The following SART3 variants were observed in gnomAD, a reference collection of about 807,000 sequenced individuals.
SART3 encodes spliceosome associated factor 3, U4/U6 recycling protein.
Under a neutral mutation model 122.3 loss-of-function variants are expected in SART3, and 44 were observed. The ratio of observed to expected loss-of-function variants is 0.36; its 90% CI spans 0.28 to 0.46. SART3 has a LOEUF of 0.46. Among genes scored for constraint, SART3 ranks in the 20% least tolerant of loss-of-function variants. The pLI, the probability that SART3 is intolerant of heterozygous loss-of-function variation, is 1.00. For synonymous variants in SART3, 442 were observed against 454.0 expected, an observed-to-expected ratio of 0.97 and a Z score of 0.34; for missense variants, 1,101 against 1,229.0, an observed-to-expected ratio of 0.90 and a Z score of 1.56.
intron 1 of SART3, among the ~76,000 whole-genome samples, chr12:108,551,352 A>G (rs1195910732): frequency 6.6e-6 from 1 of 152,228 alleles, no homozygotes; most frequent in Non-Finnish European, 1.5e-5. Flanking sequence ...AGCAAAAACT[A>G]TTACAGAGCT....
chr12:108,548,142 A>G, intron 2 of SART3, 151 bp from the exon 3 acceptor site: 1 of 702,074 alleles, frequency 1.4e-6, no homozygotes, highest in Non-Finnish European at 2.6e-6. Flanking sequence ...TGAACTAAGC[A>G]CATAGGAGGT....
chr12:108,545,156 T>C lies in SART3; in HGVS notation c.712A>G (p.Ile238Val). The part of the protein sequence containing the change: ...WEAYREFESA[I>V]VEAARLEKVH... The stretch of plus-strand genomic sequence containing the variant: ...GTACTCACCCGAGCAGCTTCCACAA[T>C]CGCACTTTCAAACTCTCGGTAAGCC... Residue 238 changes from isoleucine to valine, a missense_variant, in exon 4 of 19, where the codon ATT (isoleucine) becomes GTT (valine). Ile to Val is a conservative substitution (Grantham distance 29). Transcript: ENST00000546815. 4 of 1,613,836 alleles carry C rather than the reference T, an allele frequency of 2.5e-6. No homozygotes were observed. Among genetic ancestry groups the C allele is most frequent in the Non-Finnish European group, 3.4e-6 (4 of 1,179,934 alleles).
chr12:108,534,450 G>A (rs754026991), intron 12 of SART3, among the ~76,000 whole-genome samples: 5 of 151,862 alleles, frequency 3.3e-5, no homozygotes, highest in Non-Finnish European at 7.4e-5. Context: ...TTGGGAGGCC[G>A]AGGTAGGAGG....
intron 15 of SART3, among the ~76,000 whole-genome samples, chr12:108,529,674 A>G (rs1872560172): frequency 6.6e-6 from 1 of 152,162 alleles, no homozygotes; most frequent in South Asian, 2.1e-4. Flanking sequence ...AGGCCACAGG[A>G]GCACTTGTGC....
In SART3 at chr12:108,532,237, T is replaced by C; in HGVS notation, c.1654A>G (p.Met552Val). The change falls in exon 13 of 19, where the codon ATG becomes GTG. Residue 552 changes from methionine to valine, a missense_variant. By Grantham distance (21) the Met-to-Val change is conservative. Transcript: ENST00000546815. ...PEHVCEVLLTMERTEGSLEDW... is the reference protein window; with the variant it reads ...PEHVCEVLLTVERTEGSLEDW... ...GGGGTCCCACCTTCTGTCCTCTCCA[T>C]GGTGAGTAACACTTCGCAGACGTGC... The C allele has an allele frequency of 1.2e-6, 2 of 1,614,048 alleles. No individual in the cohort carries two copies. Among genetic ancestry groups the C allele is most frequent in the Non-Finnish European group, 1.7e-6 (2 of 1,179,960 alleles).
At chr12:108,537,819 C>A in intron 8 of SART3, 2 of 666,106 alleles carry the variant, frequency 3.0e-6, no homozygotes, top group South Asian at 1.9e-5. Flanking sequence ...AAGAAAAGTT[C>A]CAGATCAAGG....
intron 1 of SART3, among the ~76,000 whole-genome samples, chr12:108,549,537 T>G (rs2136689598): frequency 6.6e-6 from 1 of 152,342 alleles, no homozygotes; most frequent in East Asian, 1.9e-4. Context: ...TTTCCTAAGC[T>G]CTATTTCCTC....
At chr12:108,536,975 A>G in intron 9 of SART3, 190 bp from the exon 10 acceptor site, 1 of 620,322 alleles carries the variant, frequency 1.6e-6, no homozygotes, top group Non-Finnish European at 2.9e-6. Flanking sequence ...AGAATAGAGC[A>G]TGGACAGCGT....
chr12:108,555,538 G>C (rs2030183666), intron 1 of SART3, among the ~76,000 whole-genome samples: 1 of 152,156 alleles, frequency 6.6e-6, no homozygotes, highest in Non-Finnish European at 1.5e-5. Context: ...GGTGGCACAT[G>C]CCTGTGGTCC....
chr12:108,533,403 A>T (rs1182512807), intron 12 of SART3, among the ~76,000 whole-genome samples: 2 of 151,840 alleles, frequency 1.3e-5, no homozygotes, highest in African/African-American at 4.8e-5. Context: ...AAAAAAAAAA[A>T]AGCATATTAC....
chr12:108,560,866 C>T lies in SART3; in HGVS notation c.289G>A (p.Glu97Lys). 9 of 1,601,096 alleles carry T rather than the reference C, an allele frequency of 5.6e-6. No homozygotes were observed. The highest frequency in any genetic ancestry group is 7.7e-6 in the Non-Finnish European group (9 of 1,170,872). ...YDEEEEKNQL[E>K]IERLEEQLSI... Reference sequence around the variant, plus strand: ...ACCTGCTCCTCCAGTCTCTCAATCTCCAGCTGGTTTTTCTCCTCCTCTTCG... The same window carrying T: ...ACCTGCTCCTCCAGTCTCTCAATCTTCAGCTGGTTTTTCTCCTCCTCTTCG... The change falls in exon 1 of 19, where the codon GAG becomes AAG. Residue 97 changes from glutamate (E) to lysine (K), a missense_variant. By Grantham distance (56) the Glu-to-Lys change is moderately conservative (BLOSUM62 1). This residue lies in a region of SART3 where 216 missense variants were observed against 148.9 expected (regional missense o/e 1.45). Transcript: ENST00000546815.
chr12:108,532,438 C>G lies in SART3; in HGVS notation c.1557-104G>C, dbSNP rs867276604. The G allele has an allele frequency of 3.2e-5, 28 of 875,738 alleles. 2 individuals are homozygous for G. In the Middle Eastern group the frequency reaches 5.4e-3, roughly 168 times the overall value. The allele number at this position is 875,738 out of a possible 1,614,324, so 54.2% of individuals were successfully genotyped here. A position where few individuals can be genotyped will look rare whatever the true frequency, so the allele number is the denominator to read the frequency against. Reference sequence around the variant, plus strand: ...GGTAGAAACTCACTCTTCAGTAACTCTAGCTTCTGAGAAGACCTTAGCTTT... The same window carrying G: ...GGTAGAAACTCACTCTTCAGTAACTGTAGCTTCTGAGAAGACCTTAGCTTT... On this transcript the variant is annotated intron_variant, in intron 12 of 18. Coordinates refer to ENST00000546815, the MANE Select transcript of SART3 (RefSeq NM_014706.4).
At chr12:108,528,980 A>C (rs1280155468) in intron 15 of SART3, among the ~76,000 whole-genome samples, 1 of 152,124 alleles carries the variant, frequency 6.6e-6, no homozygotes, top group Non-Finnish European at 1.5e-5. Context: ...AAAATTAGCC[A>C]GGTATGATGG....
At chr12:108,524,248 C>T (rs1044746170) in intron 18 of SART3, 68 bp downstream of exon 18, 1 of 1,287,880 alleles carries the variant, frequency 7.8e-7, no homozygotes, top group Non-Finnish European at 1.1e-6. Flanking sequence ...CGGGTTAATC[C>T]CCCCGTGATC....
At chr12:108,544,963 T>C (rs1873334164) in intron 4 of SART3, 176 bp downstream of exon 4, 1 of 739,180 alleles carries the variant, frequency 1.4e-6, no homozygotes, top group Admixed American at 2.0e-5. Context: ...TACCAAATGC[T>C]AGAAGGGGTA....
At position 108,523,593 on chromosome 12, in the gene SART3, G is replaced by A. The variant is rs1290529833; in HGVS notation, c.2756C>T (p.Ala919Val). The change falls in exon 19 of 19, where the codon GCC becomes GTC. Residue 919 changes from alanine (A) to valine (V), a missense_variant. Coordinates refer to ENST00000546815, the MANE Select transcript of SART3 (RefSeq NM_014706.4). ...AGCTGCAGCACTTGGGCGCTGCAGG[G>A]CACGAGGCAGTAGAGACAGCTGCGT... The part of the protein sequence containing the change: ...GRTQLSLLPR[A>V]LQRPSAAAPQ... The A allele has an allele frequency of 4.3e-6, 7 of 1,614,018 alleles. No homozygotes were observed. Among genetic ancestry groups the A allele is most frequent in the Middle Eastern group, 1.6e-4 (1 of 6,080 alleles).
intron 2 of SART3, 139 bp from the exon 3 acceptor site, chr12:108,548,130 C>A (rs1020890356): frequency 6.7e-6 from 5 of 741,720 alleles, no homozygotes; most frequent in Non-Finnish European, 9.5e-6. Context: ...CTTCTTAAAA[C>A]CTGAACTAAG....
intron 6 of SART3, among the ~76,000 whole-genome samples, chr12:108,541,977 GAC>G (rs1873186113): frequency 6.8e-6 from 1 of 147,174 alleles, no homozygotes; most frequent in Non-Finnish European, 1.5e-5. Flanking sequence ...TGGGACTACA[GAC>G]ACATGCCACC....
intron 14 of SART3, among the ~76,000 whole-genome samples, chr12:108,530,785 G>A (rs1486026661): frequency 6.6e-6 from 1 of 152,018 alleles, no homozygotes; most frequent in Non-Finnish European, 1.5e-5. Context: ...GTGAACCCGG[G>A]AGGCAGAGCT....
Sources: gnomAD v4.1 joint callset for allele counts (sites outside exome capture counted in the v4.1 genomes callset) on GRCh38, gnomAD v4.1.1 for gene constraint, gnomAD v4.1.1 regional missense constraint, MANE v1.5 for transcripts, NCBI Gene and HGNC (gene_info 2026-07-23, HGNC 2026-07-21) for gene names.